The following ESRRG variants were observed in gnomAD, a reference collection of about 807,000 sequenced individuals.
ESRRG encodes estrogen-related receptor gamma.
In ESRRG, 13 loss-of-function variants were observed where a neutral mutation model predicts 44.0. The observed-to-expected ratio is 0.30, with a 90% confidence interval of 0.19 to 0.47. The LOEUF (loss-of-function observed/expected upper bound fraction) is 0.47, where lower values mean the gene tolerates loss of function less well. Ranked by LOEUF, ESRRG falls within the 20% of genes least tolerant of loss-of-function variation. The pLI is 1.00. For synonymous variants in ESRRG, 215 were observed against 214.6 expected (o/e 1.00, Z -0.02); for missense variants, 395 against 580.6 (o/e 0.68, Z 3.29).
intron 3 of ESRRG, among the ~76,000 whole-genome samples, chr1:216,582,153 T>C (rs2062902409): frequency 6.6e-6 from 1 of 152,212 alleles, no homozygotes; most frequent in Non-Finnish European, 1.5e-5. Context: ...GCTTTAAGTA[T>C]AATAATAATG....
At chr1:216,651,395 G>T (rs898363863) in intron 2 of ESRRG, among the ~76,000 whole-genome samples, 6 of 152,146 alleles carry the variant, frequency 3.9e-5, no homozygotes, top group African/African-American at 1.2e-4. Flanking sequence ...TGATCCAAAA[G>T]AAATTTCAAA....
chr1:216,694,055 G>A (rs1220806854), intron 1 of ESRRG, among the ~76,000 whole-genome samples: 1 of 152,196 alleles, frequency 6.6e-6, no homozygotes, highest in East Asian at 1.9e-4. Context: ...GCTGTGTGAA[G>A]TAGTAAAATG....
chr1:216,857,407 ATTTATGCATCTCTGC>A (rs1022164802), intron 2 of ESRRG, among the ~76,000 whole-genome samples: 1 of 151,904 alleles, frequency 6.6e-6, no homozygotes, highest in Middle Eastern at 3.2e-3. Flanking sequence ...CGCTTTGCTG[ATTTATGCATCTCTGC>A]TTAGAATTTA....
intron 2 of ESRRG, among the ~76,000 whole-genome samples, chr1:216,884,443 G>T (rs2096489973): frequency 6.6e-6 from 1 of 152,130 alleles, no homozygotes; most frequent in Non-Finnish European, 1.5e-5. Flanking sequence ...TTTGTTTTTA[G>T]ATCAATTTAT....
intron 2 of ESRRG, among the ~76,000 whole-genome samples, chr1:216,671,579 C>T (rs1226052503): frequency 6.6e-6 from 1 of 152,160 alleles, no homozygotes; most frequent in Non-Finnish European, 1.5e-5. Context: ...TATTCATTCT[C>T]TCATGTAACC....
intron 2 of ESRRG, among the ~76,000 whole-genome samples, chr1:216,821,135 T>C (rs1360724476): frequency 1.3e-5 from 2 of 152,184 alleles, no homozygotes; most frequent in Admixed American, 6.6e-5. Flanking sequence ...ACATAAACAG[T>C]TGGAAAGAGA....
chr1:217,014,579 A>T (rs896875622), intron 1 of ESRRG, among the ~76,000 whole-genome samples: 4 of 152,164 alleles, frequency 2.6e-5, no homozygotes, highest in Non-Finnish European at 4.4e-5. Flanking sequence ...TAAGGAAATC[A>T]AAGTAATAAA....
At chr1:216,524,224 T>C (rs568655453) in intron 5 of ESRRG, among the ~76,000 whole-genome samples, 2 of 138,788 alleles carry the variant, frequency 1.4e-5, no homozygotes, top group Admixed American at 1.5e-4. Flanking sequence ...TTTATATATA[T>C]ATATACATAT....
intron 5 of ESRRG, among the ~76,000 whole-genome samples, chr1:216,531,023 G>A (rs1030028646): frequency 6.6e-6 from 1 of 151,920 alleles, no homozygotes; most frequent in East Asian, 1.9e-4. Flanking sequence ...GAGGAGGAGA[G>A]GCAGAAAAAA....
intron 2 of ESRRG, among the ~76,000 whole-genome samples, chr1:216,857,072 C>T (rs2095956116): frequency 6.6e-6 from 1 of 151,976 alleles, no homozygotes; most frequent in South Asian, 2.1e-4. Flanking sequence ...ACAATTAATG[C>T]CAGTGGAACT....
chr1:217,053,564 G>T (rs139669926), intron 1 of ESRRG, among the ~76,000 whole-genome samples: 1 of 152,086 alleles, frequency 6.6e-6, no homozygotes, highest in Admixed American at 6.6e-5. Context: ...TATGTCATTT[G>T]TGTTTTAGTC....
At chr1:216,576,013 T>C (rs1378254883) in intron 3 of ESRRG, among the ~76,000 whole-genome samples, 1 of 152,052 alleles carries the variant, frequency 6.6e-6, no homozygotes, top group Non-Finnish European at 1.5e-5. Context: ...TCCATTCCTC[T>C]TTTTTTCCAC....
chr1:216,629,944 A>G (rs2063836111), intron 3 of ESRRG, among the ~76,000 whole-genome samples: 5 of 152,194 alleles, frequency 3.3e-5, no homozygotes, highest in African/African-American at 9.6e-5. Context: ...TTTGCTTGTA[A>G]AAATTTTAAA....
chr1:216,732,274 TTA>T (rs2088967301), intron 2 of ESRRG, among the ~76,000 whole-genome samples: 1 of 152,140 alleles, frequency 6.6e-6, no homozygotes, highest in African/African-American at 2.4e-5. Flanking sequence ...TTCATTATTA[TTA>T]TATTATCATC....
intron 5 of ESRRG, among the ~76,000 whole-genome samples, chr1:216,560,627 T>C (rs1007118699): frequency 6.6e-6 from 1 of 152,212 alleles, no homozygotes; most frequent in South Asian, 2.1e-4. Flanking sequence ...GTTGGGCTGA[T>C]AATCGTCTTA....
chr1:217,084,857 A>C (rs2091984049), intron 1 of ESRRG, among the ~76,000 whole-genome samples: 1 of 152,192 alleles, frequency 6.6e-6, no homozygotes, highest in Admixed American at 6.5e-5. Context: ...TGTGATAACT[A>C]TGATCATTAC....
chr1:216,630,914 GA>G (rs2064049869), intron 3 of ESRRG, among the ~76,000 whole-genome samples: 1 of 142,592 alleles, frequency 7.0e-6, no homozygotes, highest in Non-Finnish European at 1.6e-5. Flanking sequence ...AAAAGAGTGA[GA>G]TTTTTCATCA....
chr1:216,800,638 G>A lies in ESRRG; in HGVS notation c.-13-123147C>T, dbSNP rs7523659. Among the ~76,000 whole-genome samples the A allele has an allele frequency of 4.0e-3, 603 of 152,252 alleles. 4 individuals carry two copies. The highest frequency in any genetic ancestry group is 0.014 in the African/African-American group (576 of 41,548). On this transcript the variant is annotated intron_variant, in intron 2 of 7. Transcript: ENST00000359162. ...GGGGTCCTTAATTACTTTTGTGCCA[G>A]AAGCTTCTTTGAGGATCTGATGAAA...
intron 2 of ESRRG, among the ~76,000 whole-genome samples, chr1:216,744,718 G>T (rs1300718774): frequency 6.6e-6 from 1 of 152,006 alleles, no homozygotes; most frequent in African/African-American, 2.4e-5. Context: ...TCTCTTTTTG[G>T]CTACAAATGT....
Sources: gnomAD v4.1 joint callset for allele counts (sites outside exome capture counted in the v4.1 genomes callset) on GRCh38, gnomAD v4.1.1 for gene constraint, MANE v1.5 for transcripts, NCBI Gene and HGNC (gene_info 2026-07-23, HGNC 2026-07-21) for gene names.